Variants in RBFOX3 observed in about 807,000 individuals in gnomAD.
RBFOX3 encodes the protein RNA binding protein fox-1 homolog 3.
RBFOX3 carries 17 observed loss-of-function variants against 48.7 expected under a neutral mutation model. That is an observed-to-expected ratio of 0.35 (90% confidence interval 0.24 to 0.52). The LOEUF (loss-of-function observed/expected upper bound fraction) is 0.52. RBFOX3 is among the 20% of genes least tolerant of loss of function. The pLI is 0.94. For missense variants in RBFOX3, 382 were observed against 497.5 expected (o/e 0.77, Z 2.21); for synonymous variants, 212 against 209.5 (o/e 1.01, Z -0.10).
intron 2 of RBFOX3, among the ~76,000 whole-genome samples, chr17:79,349,163 A>T (rs1245757234): frequency 6.6e-6 from 1 of 151,766 alleles, no homozygotes; most frequent in Non-Finnish European, 1.5e-5. Flanking sequence ...CCAACCATGC[A>T]AGTTTCCTGC....
chr17:79,544,553 C>A (rs1414725583), intron 1 of RBFOX3, among the ~76,000 whole-genome samples: 1 of 152,054 alleles, frequency 6.6e-6, no homozygotes. Flanking sequence ...CCACTCCTCC[C>A]GTCGGAGTAC....
intron 1 of RBFOX3, among the ~76,000 whole-genome samples, chr17:79,490,589 C>T (rs1312050145): frequency 1.3e-5 from 2 of 152,278 alleles, no homozygotes; most frequent in Non-Finnish European, 2.9e-5. Flanking sequence ...TTTCAAGCAA[C>T]TCATTTAGTT....
At chr17:79,133,174 A>G (rs1033036029) in intron 4 of RBFOX3, among the ~76,000 whole-genome samples, 3 of 152,100 alleles carry the variant, frequency 2.0e-5, no homozygotes, top group Non-Finnish European at 4.4e-5. Context: ...GTGGGGAGCA[A>G]GGGTTCTGAG....
intron 1 of RBFOX3, among the ~76,000 whole-genome samples, chr17:79,578,054 G>A (rs926398121): frequency 2.8e-4 from 42 of 152,216 alleles, no homozygotes; most frequent in African/African-American, 9.4e-4. Flanking sequence ...TCACTTCCTC[G>A]GCCTGAGCAC....
At chr17:79,435,835 A>AT (rs2069332581) in intron 2 of RBFOX3, among the ~76,000 whole-genome samples, 1 of 152,052 alleles carries the variant, frequency 6.6e-6, no homozygotes, top group Non-Finnish European at 1.5e-5. Flanking sequence ...CACCTTGCAC[A>AT]TCCCCGGCCA....
intron 2 of RBFOX3, among the ~76,000 whole-genome samples, chr17:79,323,826 C>A (rs899057811): frequency 6.6e-6 from 1 of 152,242 alleles, no homozygotes; most frequent in Non-Finnish European, 1.5e-5. Context: ...GGTTCATTAC[C>A]ATGCAGATCC....
intron 3 of RBFOX3, among the ~76,000 whole-genome samples, chr17:79,241,513 C>T (rs2062371520): frequency 6.6e-6 from 1 of 152,120 alleles, no homozygotes; most frequent in Non-Finnish European, 1.5e-5. Flanking sequence ...GGGAGCACAA[C>T]TAACTGATGT....
In RBFOX3 at chr17:79,115,888, G is replaced by A. The variant is rs190142967; in HGVS notation, c.-33-140C>T. The A allele has an allele frequency of 4.1e-4, 220 of 530,484 alleles. 1 individual carries two copies. In the East Asian group the frequency reaches 7.1e-3, roughly 17 times the overall value. 32.9% of individuals were successfully genotyped at this position (530,484 alleles called of 1,614,324 possible). ...TCCCCGGCCCCTCCAAGGGGGGCTC[G>A]CCGGCATGGGCACCAGCTCAGAGCA... On this transcript the variant is annotated intron_variant, in intron 4 of 14. Coordinates refer to ENST00000693108, the MANE Select transcript of RBFOX3 (RefSeq NM_001350451.2).
chr17:79,464,770 C>A (rs1413518249), intron 2 of RBFOX3, among the ~76,000 whole-genome samples: 1 of 152,218 alleles, frequency 6.6e-6, no homozygotes, highest in Non-Finnish European at 1.5e-5. Flanking sequence ...AGGCCAGGGC[C>A]TTCCCTCCGC....
At chr17:79,622,239 C>T in the RBFOX3 span, among the ~76,000 whole-genome samples, 3 of 152,202 alleles carry the variant, frequency 2.0e-5, no homozygotes, top group Admixed American at 1.3e-4. Flanking sequence ...ACCTTCAGAC[C>T]GCCTGCCCGT....
chr17:79,414,595 G>A (rs1430784963), intron 2 of RBFOX3, among the ~76,000 whole-genome samples: 12 of 152,182 alleles, frequency 7.9e-5, no homozygotes. Flanking sequence ...CCGTCTGGCT[G>A]TCTGTTCGCC....
At chr17:79,346,847 C>T (rs2083007255) in intron 2 of RBFOX3, among the ~76,000 whole-genome samples, 1 of 152,136 alleles carries the variant, frequency 6.6e-6, no homozygotes, top group African/African-American at 2.4e-5. Context: ...CTACTAAAAA[C>T]AATGTCTTCT....
intron 2 of RBFOX3, among the ~76,000 whole-genome samples, chr17:79,384,602 T>C (rs2060333394): frequency 6.6e-6 from 1 of 152,122 alleles, no homozygotes; most frequent in Non-Finnish European, 1.5e-5. Flanking sequence ...GCCAGCACCC[T>C]CCTCAGGCCC....
the RBFOX3 span, among the ~76,000 whole-genome samples, chr17:79,636,705 T>C: frequency 1.3e-4 from 20 of 149,342 alleles, no homozygotes; most frequent in Non-Finnish European, 2.7e-4. Context: ...AGTATGCCAC[T>C]ATAAAAAAAT....
chr17:79,178,161 T>C (rs1193481113), intron 4 of RBFOX3, among the ~76,000 whole-genome samples: 1 of 152,202 alleles, frequency 6.6e-6, no homozygotes, highest in Admixed American at 6.5e-5. Flanking sequence ...GCTTATCCTG[T>C]GTCCAGCCAG....
chr17:79,589,462 G>GC (rs1183562760), intron 1 of RBFOX3, among the ~76,000 whole-genome samples: 1 of 152,098 alleles, frequency 6.6e-6, no homozygotes, highest in African/African-American at 2.4e-5. Context: ...TTGGATTAGG[G>GC]CCCCCCATCC....
At position 79,111,450 on chromosome 17, in the gene RBFOX3, CTT is replaced by C. The variant is rs927072434; in HGVS notation, c.222+4042_222+4043del. On this transcript the variant is annotated intron_variant, in intron 5 of 14. Transcript: ENST00000693108. The surrounding 1 kb of genome is among the most constrained non-coding windows in gnomAD (Gnocchi z 4.2). ...TTTATCTGCGTGCTAATCTCTCTCT[CTT>C]TTTCTCAGAGTTTTGCTCTGTCGCC... Among the ~76,000 whole-genome samples the C allele has an allele frequency of 5.3e-5, 8 of 152,212 alleles. No homozygotes were observed. The highest frequency in any genetic ancestry group is 1.9e-4 in the East Asian group (1 of 5,186).
intron 2 of RBFOX3, among the ~76,000 whole-genome samples, chr17:79,429,806 C>G (rs995620389): frequency 1.3e-5 from 2 of 152,138 alleles, no homozygotes; most frequent in Non-Finnish European, 2.9e-5. Context: ...GCTCCAGAGC[C>G]CAACATCCCT....
At position 79,390,412 on chromosome 17, in the gene RBFOX3, C is replaced by T. The variant is rs998126658; in HGVS notation, c.-174-82588G>A. On this transcript the variant is annotated intron_variant, in intron 2 of 14. Transcript: ENST00000693108. The surrounding 1 kb of genome is among the most constrained non-coding windows in gnomAD (Gnocchi z 4.2). The stretch of plus-strand genomic sequence containing the variant: ...TCATTCGGGGCTCAGCCCCATCTGC[C>T]CACTTTGGTGCTGGAAAATGCACTC... Among the ~76,000 whole-genome samples the T allele has an allele frequency of 1.2e-4, 18 of 152,306 alleles. No individual in the cohort carries two copies. The highest frequency in any genetic ancestry group is 1.9e-4 in the Non-Finnish European group (13 of 68,030).
Sources: gnomAD v4.1 joint callset for allele counts (sites outside exome capture counted in the v4.1 genomes callset) on GRCh38, gnomAD v4.1.1 for gene constraint, Gnocchi (gnomAD v3.1) non-coding constraint, MANE v1.5 for transcripts, NCBI Gene and HGNC (gene_info 2026-07-23, HGNC 2026-07-21) for gene names.